Variants in KCNMA1 observed in about 807,000 individuals in gnomAD.
KCNMA1 encodes Calcium-activated potassium channel subunit alpha-1.
A neutral mutation model predicts 140.0 loss-of-function variants in KCNMA1; 29 were observed. That is an observed-to-expected ratio of 0.21 (90% CI 0.15 to 0.28). The LOEUF (loss-of-function observed/expected upper bound fraction) is 0.28, where lower values mean the gene tolerates loss of function less well. Among genes scored for constraint, KCNMA1 ranks in the 10% least tolerant of loss-of-function variants. The probability of loss-of-function intolerance (pLI) is 1.00; values close to 1 mark genes in which losing one functional copy is unlikely to be tolerated. For synonymous variants in KCNMA1, 612 were observed against 611.9 expected, an observed-to-expected ratio of 1.00 and a Z score of 0.00; for missense variants, 880 against 1,602.2, an observed-to-expected ratio of 0.55 and a Z score of 7.70.
intron 1 of KCNMA1, among the ~76,000 whole-genome samples, chr10:77,448,455 A>T (rs1455680147): frequency 6.6e-6 from 1 of 152,194 alleles, no homozygotes; most frequent in Admixed American, 6.5e-5. Flanking sequence ...CTCTGCACAC[A>T]TTCACTTTTT....
chr10:77,265,142 C>T (rs2154271276), intron 2 of KCNMA1, among the ~76,000 whole-genome samples: 1 of 151,366 alleles, frequency 6.6e-6, no homozygotes, highest in East Asian at 1.9e-4. Context: ...ACTTCTGCCT[C>T]CCAGGTTCAA....
chr10:76,953,758 G>A (rs910566980), intron 21 of KCNMA1, 43 bp downstream of exon 21: 4 of 1,613,398 alleles, frequency 2.5e-6, no homozygotes, highest in Admixed American at 1.7e-5. Flanking sequence ...AATGTGGTTT[G>A]GGGCAGAAGC....
chr10:77,414,736 C>T (rs574005921), intron 1 of KCNMA1, among the ~76,000 whole-genome samples: 6 of 152,006 alleles, frequency 3.9e-5, no homozygotes, highest in East Asian at 3.9e-4. Flanking sequence ...GTGATCTGCC[C>T]GCCTCAGCCT....
At chr10:77,500,580 C>T (rs746174785) in intron 1 of KCNMA1, among the ~76,000 whole-genome samples, 1 of 152,138 alleles carries the variant, frequency 6.6e-6, no homozygotes, top group Non-Finnish European at 1.5e-5. Flanking sequence ...AATAAGGCAA[C>T]ACAGGAGGTT....
chr10:77,339,355 A>T (rs2090226202), intron 2 of KCNMA1, among the ~76,000 whole-genome samples: 1 of 151,994 alleles, frequency 6.6e-6, no homozygotes. Context: ...TCCTGTGCTC[A>T]TCTAATCTGC....
At chr10:76,889,769 G>A (rs2039075148) in intron 26 of KCNMA1, 200 bp from the exon 27 acceptor site, 3 of 622,684 alleles carry the variant, frequency 4.8e-6, no homozygotes, top group South Asian at 1.8e-5. Context: ...TAGGGATCAG[G>A]TAACAATGGG....
At chr10:77,111,327 TG>T (rs2097316553) in intron 7 of KCNMA1, among the ~76,000 whole-genome samples, 2 of 152,244 alleles carry the variant, frequency 1.3e-5, no homozygotes, top group South Asian at 4.1e-4. Context: ...TTCCAGGGCC[TG>T]GCCTCTTTCA....
At chr10:77,631,461 A>G (rs1052151142) in intron 1 of KCNMA1, among the ~76,000 whole-genome samples, 6 of 152,166 alleles carry the variant, frequency 3.9e-5, no homozygotes, top group East Asian at 1.9e-4. Flanking sequence ...TGGAACCACA[A>G]AGGCGACCTT....
chr10:77,531,231 T>A (rs1051444536), intron 1 of KCNMA1, among the ~76,000 whole-genome samples: 2 of 152,174 alleles, frequency 1.3e-5, no homozygotes, highest in African/African-American at 2.4e-5. Context: ...TGGGGGTGAA[T>A]GAAAGTCAAG....
chr10:77,385,931 A>G (rs778667775), intron 2 of KCNMA1, among the ~76,000 whole-genome samples: 10 of 152,184 alleles, frequency 6.6e-5, no homozygotes, highest in South Asian at 4.1e-4. Flanking sequence ...TGCTATAATG[A>G]GTGAAGGAAG....
chr10:77,096,051 G>A (rs978392788), intron 9 of KCNMA1, among the ~76,000 whole-genome samples: 5 of 152,296 alleles, frequency 3.3e-5, no homozygotes, highest in African/African-American at 1.2e-4. Context: ...ACGTTCTTAA[G>A]TTTATCTCAG....
intron 5 of KCNMA1, among the ~76,000 whole-genome samples, chr10:77,150,948 T>G (rs553093993): frequency 2.0e-5 from 3 of 152,222 alleles, no homozygotes; most frequent in East Asian, 3.9e-4. Context: ...ACCCTTAATA[T>G]CCCATTCAGA....
At chr10:77,633,038 T>G (rs1294210907) in intron 1 of KCNMA1, among the ~76,000 whole-genome samples, 2 of 152,226 alleles carry the variant, frequency 1.3e-5, no homozygotes, top group South Asian at 2.1e-4. Flanking sequence ...GGCCAGGGGC[T>G]GGACGCCGTG....
At chr10:77,030,591 T>C (rs2093861707) in intron 15 of KCNMA1, among the ~76,000 whole-genome samples, 1 of 152,186 alleles carries the variant, frequency 6.6e-6, no homozygotes, top group African/African-American at 2.4e-5. Flanking sequence ...TTCATTGCTT[T>C]TATAAACCTA....
At chr10:77,485,867 T>G (rs959722229) in intron 1 of KCNMA1, among the ~76,000 whole-genome samples, 2 of 152,030 alleles carry the variant, frequency 1.3e-5, no homozygotes, top group African/African-American at 2.4e-5. Flanking sequence ...CCAACCAGTA[T>G]TGTGGGGCCT....
At chr10:76,996,441 G>A (rs911535888) in intron 19 of KCNMA1, among the ~76,000 whole-genome samples, 7 of 152,224 alleles carry the variant, frequency 4.6e-5, no homozygotes, top group African/African-American at 9.6e-5. Flanking sequence ...TAGTCACAGG[G>A]GATGACCCAG....
chr10:77,317,563 G>A (rs2154351341), intron 2 of KCNMA1, among the ~76,000 whole-genome samples: 1 of 152,352 alleles, frequency 6.6e-6, no homozygotes, highest in South Asian at 2.1e-4. Flanking sequence ...TGGTTGTGGG[G>A]AAGGGAGCCT....
intron 2 of KCNMA1, among the ~76,000 whole-genome samples, chr10:77,368,025 A>C (rs917494273): frequency 3.3e-5 from 5 of 152,172 alleles, no homozygotes; most frequent in African/African-American, 9.7e-5. Flanking sequence ...TTTTTCTGTA[A>C]ACTTAAGTTT....
At chr10:77,124,315 T>G (rs1487598400) in intron 5 of KCNMA1, among the ~76,000 whole-genome samples, 2 of 152,202 alleles carry the variant, frequency 1.3e-5, no homozygotes, top group Non-Finnish European at 2.9e-5. Context: ...TTGAGTGAGT[T>G]ACACAAATAT....
Sources: allele counts gnomAD v4.1 joint callset (sites outside exome capture counted in the v4.1 genomes callset), GRCh38; gene constraint gnomAD v4.1.1; transcripts MANE v1.5; gene names NCBI Gene and HGNC (gene_info 2026-07-23, HGNC 2026-07-21).